DNAAF5: variants seen among roughly 807,000 people sequenced by gnomAD.
DNAAF5 encodes HEAT repeat containing 2.
In DNAAF5, 64 loss-of-function variants were observed where a neutral mutation model predicts 75.8. The ratio of observed to expected loss-of-function variants is 0.84; its 90% confidence interval spans 0.69 to 1.04. The LOEUF is 1.04. Ranked by LOEUF, DNAAF5 falls within the 50% of genes least tolerant of loss-of-function variation. The probability of loss-of-function intolerance (pLI) is 0.00; values close to 1 mark genes in which losing one functional copy is unlikely to be tolerated. For missense variants in DNAAF5, 1,269 were observed against 1,178.5 expected (o/e 1.08, Z -1.12); for synonymous variants, 657 against 557.2 (o/e 1.18, Z -2.52).
intron 8 of DNAAF5, among the ~76,000 whole-genome samples, chr7:765,104 G>C (rs955151615): frequency 6.6e-6 from 1 of 152,226 alleles, no homozygotes; most frequent in Admixed American, 6.5e-5. Flanking sequence ...CTGGGCAACA[G>C]AGCAAGGCCC....
intron 2 of DNAAF5, among the ~76,000 whole-genome samples, chr7:738,480 G>T (rs370904359): frequency 6.6e-6 from 1 of 151,970 alleles, no homozygotes; most frequent in Non-Finnish European, 1.5e-5. Context: ...GCTTGTGGCT[G>T]TTGGTCGATC....
At chr7:782,438 C>A (rs1335170764) in intron 12 of DNAAF5, among the ~76,000 whole-genome samples, 1 of 137,746 alleles carries the variant, frequency 7.3e-6, no homozygotes. Flanking sequence ...AAACTCGCAT[C>A]TTCCTGGTGT....
intron 8 of DNAAF5, among the ~76,000 whole-genome samples, chr7:764,514 C>T (rs1782761178): frequency 6.6e-6 from 1 of 152,214 alleles, no homozygotes; most frequent in Non-Finnish European, 1.5e-5. Context: ...ACGGCCCGCG[C>T]TGCTCCACGG....
At position 754,736 on chromosome 7, in the gene DNAAF5, A is replaced by G; in HGVS notation, c.1172A>G (p.Glu391Gly). The change falls in exon 5 of 13, where the codon GAG becomes GGG. Residue 391 changes from glutamate (E) to glycine (G), a missense_variant. Coordinates refer to ENST00000297440, the MANE Select transcript of DNAAF5 (RefSeq NM_017802.4). This position sits in a 1 kb window ranked among gnomAD's most constrained non-coding sequence, Gnocchi z 4.8. The part of the protein sequence containing the change: ...QLLPVLLLHA[E>G]DHATQHLEVV... ...CTCCCAGTGCTGCTGCTGCATGCCGAGGACCACGCCACGCAGCACCTGGAG... is the reference window on the plus strand; with the variant it reads ...CTCCCAGTGCTGCTGCTGCATGCCGGGGACCACGCCACGCAGCACCTGGAG... The G allele has an allele frequency of 1.9e-6, 3 of 1,613,684 alleles. No individual in the cohort carries two copies. The highest frequency in any genetic ancestry group is 1.1e-5 in the South Asian group (1 of 91,084).
intron 11 of DNAAF5, among the ~76,000 whole-genome samples, chr7:778,990 A>T (rs570532302): frequency 6.6e-6 from 1 of 152,390 alleles, no homozygotes; most frequent in African/African-American, 2.4e-5. Flanking sequence ...TGGTGGCTGG[A>T]AGGCCCAGCA....
At chr7:759,809 T>C (rs1782589105) in intron 6 of DNAAF5, among the ~76,000 whole-genome samples, 1 of 152,152 alleles carries the variant, frequency 6.6e-6, no homozygotes, top group Non-Finnish European at 1.5e-5. Flanking sequence ...GGAGGTGTGG[T>C]CAGCCAGGAG....
At chr7:755,249 G>A (rs561583836) in intron 5 of DNAAF5, among the ~76,000 whole-genome samples, 9 of 152,288 alleles carry the variant, frequency 5.9e-5, no homozygotes, top group East Asian at 3.9e-4. Context: ...GCACAGCTTC[G>A]GGTGTCCTGC....
At chr7:729,902 A>G in intron 2 of DNAAF5, 55 bp downstream of exon 2, 1 of 1,566,436 alleles carries the variant, frequency 6.4e-7, no homozygotes, top group Non-Finnish European at 8.8e-7. Flanking sequence ...AGGCGGGCTG[A>G]CGTGCTGTTT....
At position 785,455 on chromosome 7, in the gene DNAAF5, G is replaced by T. The variant is rs117445705; in HGVS notation, c.2432-62G>T. 1.9e-6 allele frequency: 3 copies of T among 1,578,426 alleles called. No individual in the cohort carries two copies. In the East Asian group the frequency reaches 6.8e-5, roughly 36 times the overall value. ...ACTTCACTACAAAGCCAATTTGCAC[G>T]AGAGGTAAGATTGGTTTCATGTTTG... On this transcript the variant is annotated intron_variant, in intron 12 of 12. Coordinates refer to ENST00000297440, the MANE Select transcript of DNAAF5 (RefSeq NM_017802.4).
In DNAAF5 at chr7:780,027, C is replaced by T. The variant is rs1451835770; in HGVS notation, c.2314C>T (p.Gln772Ter). The T allele has an allele frequency of 6.2e-7, 1 of 1,614,110 alleles. No individual in the cohort carries two copies. Among genetic ancestry groups the T allele is most frequent in the African/African-American group, 1.3e-5 (1 of 74,954 alleles). Residue 772 changes from glutamine to a stop codon, truncating the protein, a stop_gained, in exon 12 of 13, where the codon CAG becomes TAG. Transcript: ENST00000297440. LOFTEE classifies it high-confidence loss of function. ...AAASTLVTWLQCVKGANAKSY... is the reference protein window; with the variant it reads ...AAASTLVTWL ...CGCCTCCACCTTGGTCACCTGGCTGCAGTGTGTCAAGGGTGCCAACGCAAA... is the reference window on the plus strand; with the variant it reads ...CGCCTCCACCTTGGTCACCTGGCTGTAGTGTGTCAAGGGTGCCAACGCAAA...
intron 2 of DNAAF5, among the ~76,000 whole-genome samples, chr7:735,816 T>G (rs1781725770): frequency 6.6e-6 from 1 of 152,126 alleles, no homozygotes; most frequent in Non-Finnish European, 1.5e-5. Context: ...CTTCTACTAA[T>G]TTTGGGTTTG....
At chr7:729,955 C>A in intron 2 of DNAAF5, 108 bp downstream of exon 2, 2 of 1,040,706 alleles carry the variant, frequency 1.9e-6, no homozygotes. Flanking sequence ...CTGTATGCAC[C>A]AAATGTCCTT....
intron 9 of DNAAF5, chr7:771,514 A>G (rs1778564211): frequency 6.6e-6 from 1 of 152,298 alleles, no homozygotes; most frequent in Non-Finnish European, 1.5e-5. Context: ...GAAAGAGTCC[A>G]GGCGCTCAGA....
At chr7:774,011 C>G (rs780127499) in intron 9 of DNAAF5, 37 bp from the exon 10 acceptor site, 2 of 1,613,452 alleles carry the variant, frequency 1.2e-6, no homozygotes, top group South Asian at 2.2e-5. Context: ...GAGCACCTGT[C>G]CGGTCTCCTC....
chr7:776,550 G>GT (rs911061354), intron 11 of DNAAF5, among the ~76,000 whole-genome samples: 4 of 120,744 alleles, frequency 3.3e-5, no homozygotes, highest in Non-Finnish European at 5.7e-5. Context: ...GGAGCTGCCT[G>GT]TGGGGAGACG....
At chr7:766,414 G>GA (rs1235564303) in intron 8 of DNAAF5, among the ~76,000 whole-genome samples, 1 of 152,104 alleles carries the variant, frequency 6.6e-6, no homozygotes, top group African/African-American at 2.4e-5. Context: ...AAAGTTCTAT[G>GA]GGAAGATACC....
chr7:739,849 G>A lies in DNAAF5; in HGVS notation c.781-970G>A, dbSNP rs562310935. On this transcript the variant is annotated intron_variant, in intron 2 of 12. Coordinates refer to ENST00000297440, the MANE Select transcript of DNAAF5 (RefSeq NM_017802.4). ...GCCGGGGCGGAGCAGCCCCTCCTCCGAGTCCCAGCGAGTGACCACGCCATG... is the reference window on the plus strand; with the variant it reads ...GCCGGGGCGGAGCAGCCCCTCCTCCAAGTCCCAGCGAGTGACCACGCCATG... 1.1e-4 allele frequency among the ~76,000 whole-genome samples: 16 copies of A among 152,234 alleles called. No homozygotes were observed. In the South Asian group the frequency reaches 3.1e-3, roughly 30 times the overall value.
rs573211158 is a variant in DNAAF5 at position 740,193 on chromosome 7, A to G, written c.781-626A>G. ...GTTGGTGCTGGTCCCCGTCTCAGGC[A>G]TTGCCCTTTGGGAGCTTGGCTAGAG... On this transcript the variant is annotated intron_variant, in intron 2 of 12. Coordinates refer to ENST00000297440, the MANE Select transcript of DNAAF5 (RefSeq NM_017802.4). Among the ~76,000 whole-genome samples the G allele has an allele frequency of 5.9e-5, 9 of 152,276 alleles. No individual in the cohort carries two copies. The South Asian group carries it at 1.9e-3, about 32-fold the overall frequency.
intron 8 of DNAAF5, among the ~76,000 whole-genome samples, chr7:766,851 T>G (rs1268794168): frequency 1.3e-5 from 2 of 151,942 alleles, no homozygotes; most frequent in African/African-American, 4.8e-5. Context: ...ACAGGCAAAA[T>G]ATCCACATTT....
Sources: allele counts gnomAD v4.1 joint callset (sites outside exome capture counted in the v4.1 genomes callset), GRCh38; gene constraint gnomAD v4.1.1; non-coding constraint Gnocchi (gnomAD v3.1); transcripts MANE v1.5; gene names NCBI Gene and HGNC (gene_info 2026-07-23, HGNC 2026-07-21).